DEAF1: variants seen among roughly 807,000 people sequenced by gnomAD.
DEAF1 encodes the protein DEAF1 transcription factor.
In DEAF1, 53 loss-of-function variants were observed where a neutral mutation model predicts 58.9. The observed-to-expected ratio is 0.90, with a 90% CI of 0.72 to 1.13. The LOEUF (loss-of-function observed/expected upper bound fraction) is 1.13. DEAF1 is among the 50% of genes most tolerant of loss of function. The probability of loss-of-function intolerance (pLI) is 0.00; values close to 1 mark genes in which losing one functional copy is unlikely to be tolerated. For missense variants in DEAF1, 685 were observed against 791.4 expected (o/e 0.87, Z 1.61); for synonymous variants, 385 against 340.4 (o/e 1.13, Z -1.44).
chr11:681,610 C>G (rs1470860742), intron 6 of DEAF1, among the ~76,000 whole-genome samples: 1 of 152,030 alleles, frequency 6.6e-6, no homozygotes, highest in Non-Finnish European at 1.5e-5. Context: ...CGGGGTTTCA[C>G]CATGGTAGCC....
At chr11:661,556 A>G (rs775555638) in intron 10 of DEAF1, among the ~76,000 whole-genome samples, 8 of 152,006 alleles carry the variant, frequency 5.3e-5, no homozygotes, top group Non-Finnish European at 1.0e-4. Context: ...CTAAAAATAC[A>G]AAAATTAGCC....
chr11:690,462 A>T (rs10902192), intron 2 of DEAF1, among the ~76,000 whole-genome samples: 1 of 150,824 alleles, frequency 6.6e-6, no homozygotes, highest in Non-Finnish European at 1.5e-5. Context: ...CTGTGCTTTC[A>T]GGCCGGGTGT....
chr11:664,345 C>A (rs958890400), intron 10 of DEAF1, among the ~76,000 whole-genome samples: 6 of 152,176 alleles, frequency 3.9e-5, no homozygotes, highest in Non-Finnish European at 7.3e-5. Flanking sequence ...GTATCCACCC[C>A]AAGCCATGGC....
In DEAF1 at chr11:683,832, C is replaced by T. The variant is rs565651108; in HGVS notation, c.870+1066G>A. 2.1e-4 allele frequency among the ~76,000 whole-genome samples: 32 copies of T among 152,260 alleles called. 1 individual carries two copies. In the South Asian group the frequency reaches 6.6e-3, roughly 32 times the overall value. On this transcript the variant is annotated intron_variant, in intron 6 of 11. Transcript: ENST00000382409. ...TTCTTTAGTATCTTCCACGTACAAA[C>T]CCTGTACATGATTTCCTAGACTGAC...
At chr11:659,789 G>C (rs576740585) in intron 10 of DEAF1, among the ~76,000 whole-genome samples, 148 of 152,198 alleles carry the variant, frequency 9.7e-4, no homozygotes, top group Non-Finnish European at 1.3e-3. Flanking sequence ...CCACAGGCCC[G>C]GCCTCCTCTG....
intron 10 of DEAF1, among the ~76,000 whole-genome samples, chr11:659,228 CAAAAAAAAA>C (rs34491245): frequency 1.3e-5 from 1 of 79,750 alleles, no homozygotes; most frequent in African/African-American, 4.0e-5. Context: ...CCTGTCTCTA[CAAAAAAAAA>C]AAAAAAAAAA....
intron 11 of DEAF1, among the ~76,000 whole-genome samples, chr11:653,436 CGCGTGGCTCT>C (rs1858885862): frequency 8.2e-6 from 1 of 122,298 alleles, no homozygotes; most frequent in African/African-American, 3.4e-5. Context: ...CAGTCTCTCT[CGCGTGGCTCT>C]GCAGGGGTGT....
Position 654,128 on chromosome 11 carries a change from G to A in DEAF1, c.1504-77C>T, listed in dbSNP as rs538082773. 5.6e-5 allele frequency: 67 copies of A among 1,195,796 alleles called. No homozygotes were observed. In the East Asian group the frequency reaches 9.5e-4, roughly 17 times the overall value. 74.1% of individuals were successfully genotyped at this position (1,195,796 alleles called of 1,614,324 possible). A position where few individuals can be genotyped will look rare whatever the true frequency, so the allele number is the denominator to read the frequency against. On this transcript the variant is annotated intron_variant, in intron 10 of 11. Coordinates refer to ENST00000382409, the MANE Select transcript of DEAF1 (RefSeq NM_021008.4). ...TGAGACACCGGGGACAGAGGCAGGT[G>A]CAGGCAGGAGGCCCCAAGTTCCCCC...
chr11:693,505 G>A (rs1285110099), intron 1 of DEAF1: 1 of 152,336 alleles, frequency 6.6e-6, no homozygotes, highest in Non-Finnish European at 1.5e-5. Context: ...CACCAGGACT[G>A]GGATCCAGTT....
Position 682,201 on chromosome 11 carries a change from G to T in DEAF1, c.871-1112C>A, listed in dbSNP as rs982430604. Among the ~76,000 whole-genome samples, 56 of 152,202 alleles carry T rather than the reference G, an allele frequency of 3.7e-4. 2 individuals carry two copies. The highest frequency in any genetic ancestry group is 3.7e-3 in the Admixed American group (56 of 15,280). On this transcript the variant is annotated intron_variant, in intron 6 of 11. Transcript: ENST00000382409. ...TCCTGATCTCTGTTAAGCTGTTGGT[G>T]TAGTCAAGTGTCAGAATCAACTAAC...
intron 11 of DEAF1, among the ~76,000 whole-genome samples, chr11:645,040 C>T (rs561948377): frequency 2.6e-5 from 4 of 151,612 alleles, no homozygotes; most frequent in Non-Finnish European, 4.4e-5. Flanking sequence ...GCAGGCACCT[C>T]TAATCCCAGC....
chr11:680,100 A>C, intron 7 of DEAF1: 1 of 482,380 alleles, frequency 2.1e-6, no homozygotes, highest in East Asian at 3.8e-5. Flanking sequence ...ACAAACATAA[A>C]ATAAAACTTT....
chr11:692,927 C>G (rs767174431), intron 1 of DEAF1, among the ~76,000 whole-genome samples: 2 of 152,134 alleles, frequency 1.3e-5, no homozygotes, highest in African/African-American at 4.8e-5. Flanking sequence ...CCCTCATCCT[C>G]GCCTCTCAGC....
intron 10 of DEAF1, among the ~76,000 whole-genome samples, chr11:655,985 C>T (rs1342530104): frequency 6.6e-6 from 1 of 151,032 alleles, no homozygotes; most frequent in Non-Finnish European, 1.5e-5. Flanking sequence ...GCACGGACCA[C>T]CACGCCTGGC....
intron 10 of DEAF1, among the ~76,000 whole-genome samples, chr11:655,752 A>G (rs1213524033): frequency 6.6e-6 from 1 of 152,238 alleles, no homozygotes; most frequent in Non-Finnish European, 1.5e-5. Flanking sequence ...ACATTCAGTC[A>G]CTCACTTCAG....
intron 10 of DEAF1, among the ~76,000 whole-genome samples, chr11:658,743 C>CG (rs1276076822): frequency 2.0e-5 from 3 of 152,278 alleles, no homozygotes; most frequent in Non-Finnish European, 4.4e-5. Context: ...GCCCAAGCAG[C>CG]GGGTCCAGCC....
Position 704,449 on chromosome 11 carries a change from G to A in DEAF1, c.-438+2123C>T, listed in dbSNP as rs550345742. Reference sequence around the variant, plus strand: ...CCTGTCTGTGGCCCCCAGTGGCCACGGTGAGCTGCAGGACAGCCCTGAGGA... The same window carrying A: ...CCTGTCTGTGGCCCCCAGTGGCCACAGTGAGCTGCAGGACAGCCCTGAGGA... On this transcript the variant is annotated intron_variant, in intron 1 of 11. Transcript: ENST00000683307. 268 of 1,289,220 alleles carry A rather than the reference G, an allele frequency of 2.1e-4. 2 individuals are homozygous for A. In the South Asian group the frequency reaches 2.1e-3, roughly 10 times the overall value. The allele number at this position is 1,289,220 out of a possible 1,614,324, so 79.9% of individuals were successfully genotyped here. A position where few individuals can be genotyped will look rare whatever the true frequency, so the allele number is the denominator to read the frequency against.
chr11:678,105 T>C (rs748173579), intron 9 of DEAF1, among the ~76,000 whole-genome samples: 2 of 150,394 alleles, frequency 1.3e-5, no homozygotes, highest in Admixed American at 6.6e-5. Context: ...CCCAGCTACC[T>C]GGGAGGCTGA....
At chr11:678,666 G>A (rs1368255985) in intron 9 of DEAF1, 28 bp downstream of exon 9, 2 of 1,613,582 alleles carry the variant, frequency 1.2e-6, no homozygotes, top group Non-Finnish European at 1.7e-6. Context: ...ACAATAACCT[G>A]TACATGTGTG....
Sources: allele counts gnomAD v4.1 joint callset (sites outside exome capture counted in the v4.1 genomes callset), GRCh38; gene constraint gnomAD v4.1.1; transcripts MANE v1.5; gene names NCBI Gene and HGNC (gene_info 2026-07-23, HGNC 2026-07-21).